The following PALM2AKAP2 variants were observed in gnomAD, a reference collection of about 807,000 sequenced individuals.
PALM2AKAP2 encodes PALM2-AKAP2 fusion protein.
A neutral mutation model predicts 71.5 loss-of-function variants in PALM2AKAP2; 37 were observed. The ratio of observed to expected loss-of-function variants is 0.52; its 90% CI spans 0.40 to 0.68. The LOEUF (loss-of-function observed/expected upper bound fraction) is 0.68. PALM2AKAP2 is among the 30% of genes least tolerant of loss of function. The probability of loss-of-function intolerance (pLI) is 0.00; values close to 1 mark genes in which losing one functional copy is unlikely to be tolerated. For synonymous variants in PALM2AKAP2, 468 were observed against 478.8 expected (o/e 0.98, Z 0.29); for missense variants, 1,224 against 1,191.8 (o/e 1.03, Z -0.40).
intron 3 of PALM2AKAP2, among the ~76,000 whole-genome samples, chr9:110,165,200 C>T (rs1398635570): frequency 6.6e-6 from 1 of 151,618 alleles, no homozygotes; most frequent in African/African-American, 2.4e-5. Flanking sequence ...CCTTTTTGCC[C>T]AGAAAATAAA....
chr9:110,167,880 T>A (rs140033789), intron 3 of PALM2AKAP2, among the ~76,000 whole-genome samples: 1 of 152,314 alleles, frequency 6.6e-6, no homozygotes, highest in East Asian at 1.9e-4. Context: ...CTGTCTAATA[T>A]GGTAATCACT....
intron 6 of PALM2AKAP2, among the ~76,000 whole-genome samples, chr9:109,981,438 G>A (rs1588043216): frequency 6.6e-6 from 1 of 152,182 alleles, no homozygotes; most frequent in East Asian, 1.9e-4. Context: ...TGAATGGCAG[G>A]AGCTTGTCTA....
At chr9:109,985,345 T>A (rs1252527679) in intron 6 of PALM2AKAP2, among the ~76,000 whole-genome samples, 1 of 152,102 alleles carries the variant, frequency 6.6e-6, no homozygotes, top group Non-Finnish European at 1.5e-5. Flanking sequence ...CTTAATTGTC[T>A]TGTAAAACTG....
intron 6 of PALM2AKAP2, among the ~76,000 whole-genome samples, chr9:110,002,271 T>A (rs569326024): frequency 0.018 from 2,674 of 152,060 alleles, 88 homozygotes; most frequent in African/African-American, 0.062. Context: ...ATTGAGATAA[T>A]CATGTGGTTT....
chr9:110,069,334 G>C (rs1834155017), intron 1 of PALM2AKAP2, among the ~76,000 whole-genome samples: 2 of 152,222 alleles, frequency 1.3e-5, no homozygotes, highest in South Asian at 4.1e-4. Flanking sequence ...TCTGCAAAAA[G>C]TGTTTTGAAA....
At chr9:110,039,279 A>G (rs1833472533) in intron 7 of PALM2AKAP2, among the ~76,000 whole-genome samples, 1 of 152,222 alleles carries the variant, frequency 6.6e-6, no homozygotes, top group African/African-American at 2.4e-5. Flanking sequence ...AAGAAAATTC[A>G]TAATATACAA....
chr9:109,761,113 C>A (rs1313116376), intron 1 of PALM2AKAP2, among the ~76,000 whole-genome samples: 3 of 152,090 alleles, frequency 2.0e-5, no homozygotes, highest in Admixed American at 6.5e-5. Flanking sequence ...AATGATCAAA[C>A]ATAAAGTGAT....
At chr9:110,155,130 A>G (rs1836415161) in intron 2 of PALM2AKAP2, among the ~76,000 whole-genome samples, 1 of 152,222 alleles carries the variant, frequency 6.6e-6, no homozygotes, top group Non-Finnish European at 1.5e-5. Context: ...AAATGTGGAC[A>G]CCAGGCTTCA....
chr9:109,943,580 T>C, intron 6 of PALM2AKAP2: 1 of 1,082,398 alleles, frequency 9.2e-7, no homozygotes, highest in Admixed American at 2.4e-5. Flanking sequence ...TTTTTTCCTT[T>C]TCCTCACCTG....
At chr9:109,777,938 G>A (rs1195036543), upstream of PALM2AKAP2, among the ~76,000 whole-genome samples, 4 of 152,116 alleles carry the variant, frequency 2.6e-5, no homozygotes, top group African/African-American at 9.7e-5. Context: ...CCCCAACCCC[G>A]ATTCTTCTAT....
chr9:109,766,125 G>C (rs888053703), intron 1 of PALM2AKAP2, among the ~76,000 whole-genome samples: 2 of 152,144 alleles, frequency 1.3e-5, no homozygotes. Flanking sequence ...GAGTCCTTTC[G>C]GAAAGCACTT....
intron 3 of PALM2AKAP2, among the ~76,000 whole-genome samples, chr9:109,884,167 AAG>A (rs1829915019): frequency 6.6e-6 from 1 of 152,200 alleles, no homozygotes; most frequent in Non-Finnish European, 1.5e-5. Context: ...GACATTTAAA[AAG>A]AAAGAGGACT....
intron 1 of PALM2AKAP2, among the ~76,000 whole-genome samples, chr9:109,722,759 G>A (rs1828424994): frequency 6.6e-6 from 1 of 152,172 alleles, no homozygotes; most frequent in Non-Finnish European, 1.5e-5. Flanking sequence ...TAGACAGAGT[G>A]AGACCCTGTC....
At chr9:109,960,253 T>A (rs1423963274) in intron 6 of PALM2AKAP2, among the ~76,000 whole-genome samples, 1 of 152,304 alleles carries the variant, frequency 6.6e-6, no homozygotes, top group East Asian at 1.9e-4. Context: ...CATCTCATAC[T>A]GCCCCCTGCA....
At chr9:109,660,913 A>C (rs183381752) in intron 1 of PALM2AKAP2, among the ~76,000 whole-genome samples, 1 of 152,124 alleles carries the variant, frequency 6.6e-6, no homozygotes, top group Non-Finnish European at 1.5e-5. Flanking sequence ...TTCTCTGATG[A>C]CCAGTGATGA....
upstream of PALM2AKAP2, among the ~76,000 whole-genome samples, chr9:109,776,702 A>T (rs1829353317): frequency 6.6e-6 from 1 of 152,190 alleles, no homozygotes; most frequent in Non-Finnish European, 1.5e-5. Context: ...GATGGGAAGG[A>T]GTTCACAAAT....
At chr9:110,151,958 C>T (rs924140205) in intron 2 of PALM2AKAP2, among the ~76,000 whole-genome samples, 6 of 152,196 alleles carry the variant, frequency 3.9e-5, no homozygotes, top group Non-Finnish European at 5.9e-5. Flanking sequence ...CCGTTCTGGC[C>T]GGGCACAGTG....
intron 1 of PALM2AKAP2, among the ~76,000 whole-genome samples, chr9:110,083,365 C>T (rs928572708): frequency 1.3e-4 from 20 of 151,926 alleles, no homozygotes; most frequent in East Asian, 1.2e-3. Flanking sequence ...TAACAGAAAA[C>T]GAGGCAACAA....
In PALM2AKAP2 at chr9:109,652,285, A is replaced by T. The variant is rs188361208; in HGVS notation, c.5+11419A>T. Among the ~76,000 whole-genome samples the T allele has an allele frequency of 5.8e-4, 89 of 152,300 alleles. 4 individuals carry two copies. The highest frequency in any genetic ancestry group is 5.3e-3 in the Admixed American group (81 of 15,300). The stretch of plus-strand genomic sequence containing the variant: ...GGGCCTAGTGAGAAGTGTTTGAGTC[A>T]TGAGGGTGGATCCCTCATGAATGGC... On this transcript the variant is annotated intron_variant, in intron 1 of 6. Transcript: ENST00000374531.
Sources: allele counts gnomAD v4.1 joint callset (sites outside exome capture counted in the v4.1 genomes callset), GRCh38; gene constraint gnomAD v4.1.1; transcripts MANE v1.5; gene names NCBI Gene and HGNC (gene_info 2026-07-23, HGNC 2026-07-21).